PCDHGB3: variants seen among roughly 807,000 people sequenced by gnomAD.
The protein encoded by PCDHGB3 is protocadherin gamma-B3.
PCDHGB3 carries 40 observed loss-of-function variants against 59.2 expected under a neutral mutation model. The ratio of observed to expected loss-of-function variants is 0.68; its 90% CI spans 0.52 to 0.88. The LOEUF (loss-of-function observed/expected upper bound fraction) is 0.88. Among genes scored for constraint, PCDHGB3 ranks in the 40% least tolerant of loss-of-function variants. The pLI is 0.00. For synonymous variants in PCDHGB3, 581 were observed against 503.6 expected (o/e 1.15, Z -2.06); for missense variants, 1,309 against 1,187.9 (o/e 1.10, Z -1.50).
At chr5:141,468,425 T>TA (rs2099167168) in intron 1 of PCDHGB3, 1 of 151,612 alleles carries the variant, frequency 6.6e-6, no homozygotes, top group Non-Finnish European at 1.5e-5. Context: ...GATAGCAAGG[T>TA]AATAGCAAAA....
intron 2 of PCDHGB3, among the ~76,000 whole-genome samples, chr5:141,495,250 A>G (rs557893500): frequency 6.6e-6 from 1 of 152,188 alleles, no homozygotes; most frequent in Non-Finnish European, 1.5e-5. Context: ...CCTGGGGCTC[A>G]GGCAGAAAAG....
chr5:141,380,009 C>T lies in PCDHGB3; in HGVS notation c.2415+7200C>T, dbSNP rs529470373. Among the ~76,000 whole-genome samples the T allele has an allele frequency of 3.4e-5, 5 of 149,132 alleles. No individual in the cohort carries two copies. The South Asian group carries it at 8.7e-4, about 26-fold the overall frequency. ...CCTCCTCCTGGGTTCAAGCGATTCT[C>T]CTGCCTCAGCCTCCCAAGTAGCTGG... On this transcript the variant is annotated intron_variant, in intron 1 of 3. Transcript: ENST00000576222.
chr5:141,498,390 T>C (rs2099783500), intron 2 of PCDHGB3, among the ~76,000 whole-genome samples: 1 of 151,982 alleles, frequency 6.6e-6, no homozygotes, highest in Non-Finnish European at 1.5e-5. Context: ...ATCAAGGGAA[T>C]GGCAGGGAGT....
Position 141,372,558 on chromosome 5 carries a change from G to A in PCDHGB3, c.2164G>A (p.Ala722Thr). 6.2e-7 allele frequency: 1 copy of A among 1,614,002 alleles called. No individual in the cohort carries two copies. Among genetic ancestry groups the A allele is most frequent in the Non-Finnish European group, 8.5e-7 (1 of 1,179,892 alleles). The stretch of plus-strand genomic sequence containing the variant: ...GCGCCTGCGATGCTCCTCCAGACCC[G>A]CCACTGAGGGCTACTTTCAGCCTGG... ...SLRLRCSSRPATEGYFQPGVC... is the reference protein window; with the variant it reads ...SLRLRCSSRPTTEGYFQPGVC... Residue 722 changes from alanine to threonine, a missense_variant, in exon 1 of 4, where the codon GCC (alanine) becomes ACC (threonine). Physicochemically the swap from Ala to Thr is moderately conservative, Grantham distance 58. Transcript: ENST00000576222.
chr5:141,482,661 T>G (rs1215403061), intron 1 of PCDHGB3, among the ~76,000 whole-genome samples: 1 of 151,742 alleles, frequency 6.6e-6, no homozygotes, highest in Non-Finnish European at 1.5e-5. Flanking sequence ...TGAGCTATGA[T>G]CTAAAGGTTG....
intron 1 of PCDHGB3, chr5:141,414,399 GGTGATAC>G (rs1297009673): frequency 6.2e-7 from 1 of 1,613,846 alleles, no homozygotes; most frequent in South Asian, 1.1e-5. Flanking sequence ...ATTACAGATT[GGTGATAC>G]ACAGAGCCCT....
At chr5:141,392,815 T>G (rs1361544072) in intron 1 of PCDHGB3, 1 of 1,586,560 alleles carries the variant, frequency 6.3e-7, no homozygotes, top group South Asian at 1.1e-5. Flanking sequence ...AAAACAACAA[T>G]GGCCGCTCCA....
At chr5:141,500,438 T>C (rs977844035) in intron 2 of PCDHGB3, among the ~76,000 whole-genome samples, 2 of 151,816 alleles carry the variant, frequency 1.3e-5, no homozygotes, top group African/African-American at 4.8e-5. Flanking sequence ...CTCGATCTCC[T>C]GACCTCGTGA....
At chr5:141,394,547 G>T (rs771070854) in intron 1 of PCDHGB3, 6 of 1,614,098 alleles carry the variant, frequency 3.7e-6, no homozygotes, top group East Asian at 2.2e-5. Context: ...TGGAGCTGGC[G>T]CCCCGCTCCG....
intron 1 of PCDHGB3, chr5:141,388,656 G>C (rs747453786): frequency 2.5e-5 from 40 of 1,613,886 alleles, no homozygotes; most frequent in Non-Finnish European, 3.4e-5. Context: ...CGTGTACCCG[G>C]GGACCACGGT....
At chr5:141,445,767 T>C (rs2098476828) in intron 1 of PCDHGB3, among the ~76,000 whole-genome samples, 1 of 152,142 alleles carries the variant, frequency 6.6e-6, no homozygotes, top group African/African-American at 2.4e-5. Flanking sequence ...ACTCAAGCAA[T>C]TTAAAAGGGC....
chr5:141,399,084 T>C (rs752476131), intron 1 of PCDHGB3: 2 of 1,613,796 alleles, frequency 1.2e-6, no homozygotes, highest in South Asian at 1.1e-5. Context: ...AAGGGAGGGA[T>C]GGTGGTGGAC....
At chr5:141,454,970 G>A (rs2098808431) in intron 1 of PCDHGB3, among the ~76,000 whole-genome samples, 2 of 151,444 alleles carry the variant, frequency 1.3e-5, no homozygotes, top group African/African-American at 4.9e-5. Context: ...ACCACGCCTG[G>A]CTAATTTTTT....
intron 1 of PCDHGB3, among the ~76,000 whole-genome samples, chr5:141,456,985 A>C (rs2098902590): frequency 6.6e-6 from 1 of 152,204 alleles, no homozygotes; most frequent in Non-Finnish European, 1.5e-5. Context: ...ACAAACAAAC[A>C]AACAAAAACT....
chr5:141,387,614 T>C (rs2091011587), intron 1 of PCDHGB3: 9 of 565,798 alleles, frequency 1.6e-5, no homozygotes, highest in Non-Finnish European at 2.8e-5. Flanking sequence ...TGTAGTTTCC[T>C]AGTGCTGACT....
chr5:141,390,373 A>T, intron 1 of PCDHGB3: 1 of 1,481,208 alleles, frequency 6.8e-7, no homozygotes, highest in Non-Finnish European at 9.2e-7. Flanking sequence ...AAAATATATA[A>T]TTTTTAGATG....
chr5:141,419,853 C>A lies in PCDHGB3; in HGVS notation c.2415+47044C>A, dbSNP rs1327953878. The A allele has an allele frequency of 1.9e-6, 3 of 1,614,072 alleles. No homozygotes were observed. In the Admixed American group the frequency reaches 5.0e-5, roughly 27 times the overall value. The stretch of plus-strand genomic sequence containing the variant: ...ACTGCCACGCTGCACCTGGTGTTCG[C>A]AGATAGCTTGCAAGAGGTACTGCCG... On this transcript the variant is annotated intron_variant, in intron 1 of 3. Transcript: ENST00000576222.
chr5:141,485,887 C>T lies in PCDHGB3; in HGVS notation c.2416-8920C>T. 1 of 1,614,098 alleles carries T rather than the reference C, an allele frequency of 6.2e-7. No homozygotes were observed. On this transcript the variant is annotated intron_variant, in intron 1 of 3. Transcript: ENST00000576222. The surrounding 1 kb of genome is among the most constrained non-coding windows in gnomAD (Gnocchi z 5.7). ...TATCCGTGCTGGACGTAAACGACAA[C>T]GCCCCAGCCTTCCAGCAATCCAGCT...
At chr5:141,385,259 A>G (rs1202101252) in intron 1 of PCDHGB3, 2 of 1,613,774 alleles carry the variant, frequency 1.2e-6, no homozygotes, top group Middle Eastern at 1.6e-4. Context: ...AGCTGTGAGA[A>G]AAATGATTCT....
Sources: allele counts gnomAD v4.1 joint callset (sites outside exome capture counted in the v4.1 genomes callset), GRCh38; gene constraint gnomAD v4.1.1; non-coding constraint Gnocchi (gnomAD v3.1); transcripts MANE v1.5; gene names NCBI Gene and HGNC (gene_info 2026-07-23, HGNC 2026-07-21).